Variants in PCSK2 observed in about 807,000 individuals in gnomAD.
PCSK2 encodes the protein neuroendocrine convertase 2.
In PCSK2, 14 loss-of-function variants were observed where a neutral mutation model predicts 69.7. The ratio of observed to expected loss-of-function variants is 0.20; its 90% confidence interval spans 0.13 to 0.31. The LOEUF is 0.31. PCSK2 is among the 10% of genes least tolerant of loss of function. PCSK2 has a pLI of 1.00. For synonymous variants in PCSK2, 307 were observed against 320.7 expected (o/e 0.96, Z 0.46); for missense variants, 544 against 842.5 (o/e 0.65, Z 4.39).
intron 7 of PCSK2, among the ~76,000 whole-genome samples, chr20:17,430,759 TA>T (rs1179884754): frequency 1.3e-5 from 2 of 152,160 alleles, no homozygotes; most frequent in Admixed American, 6.5e-5. Flanking sequence ...GGATGGAATC[TA>T]AGGGAGGCGG....
intron 4 of PCSK2, among the ~76,000 whole-genome samples, chr20:17,364,606 A>G (rs1240774779): frequency 2.0e-5 from 3 of 152,126 alleles, no homozygotes; most frequent in Non-Finnish European, 4.4e-5. Flanking sequence ...AGTATGGGGG[A>G]ACCCACCCCC....
At chr20:17,255,630 C>T (rs112499456) in intron 1 of PCSK2, among the ~76,000 whole-genome samples, 6 of 152,206 alleles carry the variant, frequency 3.9e-5, no homozygotes, top group Admixed American at 1.3e-4. Context: ...CGTGAGCCAC[C>T]GCACCCAGCC....
intron 2 of PCSK2, among the ~76,000 whole-genome samples, chr20:17,274,144 G>A (rs1215713111): frequency 1.3e-5 from 2 of 152,142 alleles, no homozygotes; most frequent in Non-Finnish European, 2.9e-5. Context: ...ATAAACATGT[G>A]AATAAAAGCC....
chr20:17,459,661 T>C (rs1364443329), intron 10 of PCSK2, among the ~76,000 whole-genome samples: 2 of 152,212 alleles, frequency 1.3e-5, no homozygotes, highest in East Asian at 1.9e-4. Flanking sequence ...TGCACTTCCC[T>C]CATAGCTAGT....
At chr20:17,396,308 C>T (rs1414984521) in intron 5 of PCSK2, among the ~76,000 whole-genome samples, 1 of 152,166 alleles carries the variant, frequency 6.6e-6, no homozygotes, top group Non-Finnish European at 1.5e-5. Context: ...ACACTGGGCC[C>T]CTTCAACCCT....
intron 2 of PCSK2, among the ~76,000 whole-genome samples, chr20:17,292,972 G>A (rs1163685440): frequency 6.6e-6 from 1 of 151,842 alleles, no homozygotes; most frequent in Non-Finnish European, 1.5e-5. Context: ...CTACAGGCAC[G>A]CAGCATTATG....
intron 2 of PCSK2, among the ~76,000 whole-genome samples, chr20:17,334,613 G>A (rs1262504936): frequency 6.6e-6 from 1 of 152,142 alleles, no homozygotes; most frequent in East Asian, 1.9e-4. Context: ...AGAAACTGGT[G>A]GTAAAGTTAA....
intron 2 of PCSK2, among the ~76,000 whole-genome samples, chr20:17,298,527 G>C (rs561820027): frequency 6.6e-6 from 1 of 152,180 alleles, no homozygotes; most frequent in South Asian, 2.1e-4. Flanking sequence ...AATGCCAATA[G>C]TGTTGAGGCA....
chr20:17,302,325 ACC>A lies in PCSK2; in HGVS notation c.282+41982_282+41983del, dbSNP rs1411396272. Among the ~76,000 whole-genome samples, 16 of 152,276 alleles carry A rather than the reference ACC, an allele frequency of 1.1e-4. No individual in the cohort carries two copies. In the South Asian group the frequency reaches 2.3e-3, roughly 22 times the overall value. On this transcript the variant is annotated intron_variant, in intron 2 of 11. Coordinates refer to ENST00000262545, the MANE Select transcript of PCSK2 (RefSeq NM_002594.5). The stretch of plus-strand genomic sequence containing the variant: ...ATTTGCCCTGAGCATGTTTAAATTT[ACC>A]AATTTAAACATGCTGGTAAATGGTC...
At chr20:17,262,975 T>G in intron 2 of PCSK2, among the ~76,000 whole-genome samples, 1 of 152,108 alleles carries the variant, frequency 6.6e-6, no homozygotes, top group East Asian at 1.9e-4. Flanking sequence ...CCTGCACCAC[T>G]TCCCAGCCTG....
intron 8 of PCSK2, among the ~76,000 whole-genome samples, chr20:17,449,169 C>A (rs1046079503): frequency 1.3e-4 from 20 of 152,188 alleles, no homozygotes; most frequent in Non-Finnish European, 4.4e-5. Context: ...AGGCATGAGC[C>A]ATCAGGCTGG....
At chr20:17,245,973 A>G (rs567790760) in intron 1 of PCSK2, among the ~76,000 whole-genome samples, 11 of 152,210 alleles carry the variant, frequency 7.2e-5, no homozygotes, top group Non-Finnish European at 1.6e-4. Flanking sequence ...AAAGAACTCC[A>G]TAACCTTAGT....
At chr20:17,352,751 A>G (rs1321219788) in intron 2 of PCSK2, among the ~76,000 whole-genome samples, 2 of 152,236 alleles carry the variant, frequency 1.3e-5, no homozygotes, top group South Asian at 2.1e-4. Flanking sequence ...AAACTCTAGA[A>G]GAAAACCTAG....
chr20:17,308,789 G>A (rs759171245), intron 2 of PCSK2, among the ~76,000 whole-genome samples: 56 of 152,246 alleles, frequency 3.7e-4, no homozygotes, highest in African/African-American at 1.3e-3. Flanking sequence ...GGGAGCATTT[G>A]AACTGACTCA....
At position 17,347,789 on chromosome 20, in the gene PCSK2, AAAGAAAG is replaced by A. The variant is rs1568611905; in HGVS notation, c.283-10535_283-10529del. 7.2e-4 allele frequency among the ~76,000 whole-genome samples: 15 copies of A among 20,898 alleles called. No individual in the cohort carries two copies. The East Asian group carries it at 1.0e-2, about 14-fold the overall frequency. The allele number at this position is 20,898 out of a possible 152,430, so 13.7% of individuals were successfully genotyped here. Reference sequence around the variant, plus strand: ...AAAACTGCTGAAAGACACATAGACGAAAGAAAGAAAGAAAGAAAGAAAGAAAGAAAGA... The same window carrying A: ...AAAACTGCTGAAAGACACATAGACGAAAAGAAAGAAAGAAAGAAAGAAAGA... On this transcript the variant is annotated intron_variant, in intron 2 of 11. Coordinates refer to ENST00000262545, the MANE Select transcript of PCSK2 (RefSeq NM_002594.5).
At chr20:17,440,924 C>G (rs967549238) in intron 8 of PCSK2, among the ~76,000 whole-genome samples, 1 of 151,822 alleles carries the variant, frequency 6.6e-6, no homozygotes, top group Non-Finnish European at 1.5e-5. Context: ...CAGGCAAGAC[C>G]TCATAGTGCC....
chr20:17,278,961 G>T (rs1002332052), intron 2 of PCSK2, among the ~76,000 whole-genome samples: 2 of 151,690 alleles, frequency 1.3e-5, no homozygotes, highest in Non-Finnish European at 2.9e-5. Context: ...TCCCCTAAAC[G>T]ATCCATTGCT....
intron 5 of PCSK2, among the ~76,000 whole-genome samples, chr20:17,379,221 T>TG (rs1216205295): frequency 1.3e-5 from 2 of 152,228 alleles, no homozygotes; most frequent in African/African-American, 2.4e-5. Flanking sequence ...AGTGGGTTGA[T>TG]GCCACAGCAA....
At chr20:17,367,593 C>T (rs1282039523) in intron 4 of PCSK2, among the ~76,000 whole-genome samples, 2 of 152,284 alleles carry the variant, frequency 1.3e-5, no homozygotes, top group African/African-American at 2.4e-5. Context: ...TCTTGGTTTG[C>T]TTTTGGGGAT....
Sources: gnomAD v4.1 joint callset for allele counts (sites outside exome capture counted in the v4.1 genomes callset) on GRCh38, gnomAD v4.1.1 for gene constraint, MANE v1.5 for transcripts, NCBI Gene and HGNC (gene_info 2026-07-23, HGNC 2026-07-21) for gene names.